The following IPCEF1 variants were observed in gnomAD, a reference collection of about 807,000 sequenced individuals.
IPCEF1 encodes the protein interaction protein for cytohesin exchange factors 1, also known as interactor protein for cytohesin exchange factors 1.
In IPCEF1, 31 loss-of-function variants were observed where a neutral mutation model predicts 50.9. That is an observed-to-expected ratio of 0.61 (90% CI 0.46 to 0.82). The LOEUF is 0.82. IPCEF1 is among the 40% of genes least tolerant of loss of function. The pLI is 0.00. For synonymous variants in IPCEF1, 181 were observed against 192.0 expected (o/e 0.94, Z 0.47); for missense variants, 458 against 514.0 (o/e 0.89, Z 1.05).
At chr6:154,228,835 C>G (rs1779476403) in intron 5 of IPCEF1, among the ~76,000 whole-genome samples, 1 of 152,198 alleles carries the variant, frequency 6.6e-6, no homozygotes, top group South Asian at 2.1e-4. Context: ...CTGCAGTGAG[C>G]TGAGATGGTG....
At chr6:154,177,840 A>T (rs1800474924) in intron 10 of IPCEF1, among the ~76,000 whole-genome samples, 1 of 152,196 alleles carries the variant, frequency 6.6e-6, no homozygotes, top group African/African-American at 2.4e-5. Context: ...ACATGCACAC[A>T]TATGTTTATT....
chr6:154,274,978 A>T (rs1782019197), intron 2 of IPCEF1, among the ~76,000 whole-genome samples: 1 of 152,212 alleles, frequency 6.6e-6, no homozygotes, highest in Admixed American at 6.5e-5. Flanking sequence ...ACAGGGATGG[A>T]TGTTCAATGA....
At position 154,180,560 on chromosome 6, in the gene IPCEF1, C is replaced by G. The variant is rs551142302; in HGVS notation, c.911-12447G>C. Among the ~76,000 whole-genome samples, 5 of 152,172 alleles carry G rather than the reference C, an allele frequency of 3.3e-5. No homozygotes were observed. The South Asian group carries it at 1.0e-3, about 32-fold the overall frequency. On this transcript the variant is annotated intron_variant, in intron 10 of 11. Transcript: ENST00000367220. ...TTCTCCTCCTCTTCCATACCCCAGT[C>G]TATTGTCTGCTCTGACAGCACAGGC... is the stretch of plus-strand genomic sequence containing the variant.
intron 5 of IPCEF1, among the ~76,000 whole-genome samples, chr6:154,237,280 C>T (rs1780210137): frequency 6.6e-6 from 1 of 152,238 alleles, no homozygotes; most frequent in Admixed American, 6.5e-5. Flanking sequence ...CATGTGTTAA[C>T]TGAACTCTTC....
At chr6:154,253,109 T>C (rs1369277247) in intron 3 of IPCEF1, among the ~76,000 whole-genome samples, 3 of 152,238 alleles carry the variant, frequency 2.0e-5, no homozygotes, top group Admixed American at 1.3e-4. Flanking sequence ...TATCTCTCTG[T>C]GTACTCCTTC....
Position 154,156,718 on chromosome 6 carries a change from G to A in IPCEF1, c.*3110C>T, listed in dbSNP as rs556003187. ...GGCCTTTGATCCTATTCTGAGATTT[G>A]AGCTGTTGTGGCAAAACTAAGAATT... On this transcript the variant is annotated 3_prime_UTR_variant, in exon 12 of 12. Transcript: ENST00000367220. The A allele has an allele frequency of 6.6e-6, 1 of 152,204 alleles. No individual in the cohort carries two copies. Among genetic ancestry groups the A allele is most frequent in the South Asian group, 2.1e-4 (1 of 4,816 alleles). 9.4% of individuals were successfully genotyped at this position (152,204 alleles called of 1,614,324 possible).
chr6:154,166,870 A>T (rs920230697), intron 11 of IPCEF1, among the ~76,000 whole-genome samples: 8 of 152,224 alleles, frequency 5.3e-5, no homozygotes, highest in Non-Finnish European at 1.2e-4. Context: ...GCGGCCAGTG[A>T]TATCTTTTAT....
At chr6:154,318,876 C>T (rs542175282) in intron 1 of IPCEF1, among the ~76,000 whole-genome samples, 39 of 152,310 alleles carry the variant, frequency 2.6e-4, no homozygotes, top group Admixed American at 2.2e-3. Flanking sequence ...GCACTGGCCA[C>T]GTTAGCCAAC....
At chr6:154,337,139 G>T (rs142411948) in intron 1 of IPCEF1, among the ~76,000 whole-genome samples, 3,215 of 151,636 alleles carry the variant, frequency 0.021, 60 homozygotes, top group Non-Finnish European at 0.032. Flanking sequence ...TGTATATCAA[G>T]AAAAAAGAAA....
chr6:154,274,456 A>G (rs534417832), intron 2 of IPCEF1, among the ~76,000 whole-genome samples: 1 of 152,334 alleles, frequency 6.6e-6, no homozygotes, highest in Non-Finnish European at 1.5e-5. Context: ...ACTTTCTTTC[A>G]GCCAATAATG....
rs552319485 is a variant in IPCEF1 at position 154,158,904 on chromosome 6, TTTTG to T, written c.*920_*923del. ...TAACTCTTTTGTTGCTTCCATGGGT[TTTTG>T]TTTTTTTGTTTTTTTGAGTAAAGAT... On this transcript the variant is annotated 3_prime_UTR_variant, in exon 12 of 12. Coordinates refer to ENST00000367220, the MANE Select transcript of IPCEF1 (RefSeq NM_001130700.2). 183 of 152,320 alleles carry T rather than the reference TTTTG, an allele frequency of 1.2e-3. No homozygotes were observed. Among genetic ancestry groups the T allele is most frequent in the African/African-American group, 4.3e-3 (179 of 41,580 alleles). The allele number at this position is 152,320 out of a possible 1,614,324, so 9.4% of individuals were successfully genotyped here.
At chr6:154,205,278 T>C (rs926395114) in intron 9 of IPCEF1, among the ~76,000 whole-genome samples, 4 of 130,712 alleles carry the variant, frequency 3.1e-5, no homozygotes, top group African/African-American at 1.2e-4. Flanking sequence ...CATCCCTGTA[T>C]TTTTTTTTAA....
At chr6:154,190,245 C>G (rs931506830) in intron 10 of IPCEF1, among the ~76,000 whole-genome samples, 12 of 151,910 alleles carry the variant, frequency 7.9e-5, no homozygotes, top group African/African-American at 2.7e-4. Context: ...TATACACACA[C>G]ATACAAAGAT....
At position 154,269,028 on chromosome 6, in the gene IPCEF1, C is replaced by T. The variant is rs189485007; in HGVS notation, c.-17-3064G>A. Among the ~76,000 whole-genome samples, 3 of 152,280 alleles carry T rather than the reference C, an allele frequency of 2.0e-5. No individual in the cohort carries two copies. In the East Asian group the frequency reaches 5.8e-4, roughly 29 times the overall value. ...AATTGGTCCTTTAACATCTGACTCTCCATTATAATATAACCTAACTGAAGG... is the reference window on the plus strand; with the variant it reads ...AATTGGTCCTTTAACATCTGACTCTTCATTATAATATAACCTAACTGAAGG... On this transcript the variant is annotated intron_variant, in intron 2 of 11. Coordinates refer to ENST00000367220, the MANE Select transcript of IPCEF1 (RefSeq NM_001130700.2).
Position 154,199,792 on chromosome 6 carries a change from A to C in IPCEF1, c.786T>G (p.Ser262Arg), listed in dbSNP as rs1180606656. The C allele has an allele frequency of 6.2e-7, 1 of 1,614,216 alleles. No individual in the cohort carries two copies. Among genetic ancestry groups the C allele is most frequent in the Admixed American group, 1.7e-5 (1 of 60,020 alleles). Residue 262 changes from serine (S) to arginine (R), a missense_variant, in exon 10 of 12, where the codon AGT becomes AGG. Transcript: ENST00000367220. Reference protein sequence around the residue: ...EAGIHKALENSFVTSESGFLN... With the variant: ...EAGIHKALENRFVTSESGFLN... ...AAAATCCACTTTCTGATGTGACAAA[A>C]CTGTTTTCCAGGGCCTTGTGGATGC...
At chr6:154,336,626 C>G (rs1356336870) in intron 1 of IPCEF1, among the ~76,000 whole-genome samples, 1 of 151,578 alleles carries the variant, frequency 6.6e-6, no homozygotes, top group Non-Finnish European at 1.5e-5. Context: ...TTTTTGAGAC[C>G]AAGGTCTCAC....
At chr6:154,272,135 C>T (rs1206363806) in intron 2 of IPCEF1, among the ~76,000 whole-genome samples, 1 of 152,206 alleles carries the variant, frequency 6.6e-6, no homozygotes, top group Non-Finnish European at 1.5e-5. Flanking sequence ...ATAATAATAA[C>T]CAACTCATAA....
chr6:154,281,976 C>T (rs191506697), intron 2 of IPCEF1, among the ~76,000 whole-genome samples: 134 of 152,262 alleles, frequency 8.8e-4, no homozygotes, highest in African/African-American at 3.2e-3. Context: ...TGCACTCCAG[C>T]CTGGGCAACA....
chr6:154,203,464 G>A (rs1415188614), intron 9 of IPCEF1, among the ~76,000 whole-genome samples: 2 of 152,170 alleles, frequency 1.3e-5, no homozygotes, highest in African/African-American at 4.8e-5. Context: ...AATAAATACA[G>A]TCAGCCTTCT....
Sources: gnomAD v4.1 joint callset for allele counts (sites outside exome capture counted in the v4.1 genomes callset) on GRCh38, gnomAD v4.1.1 for gene constraint, MANE v1.5 for transcripts, NCBI Gene and HGNC (gene_info 2026-07-23, HGNC 2026-07-21) for gene names.